Variants in PHKB observed in about 807,000 individuals in gnomAD.
The protein encoded by PHKB is phosphorylase kinase regulatory subunit beta, also known as phosphorylase b kinase regulatory subunit beta.
Under a neutral mutation model 152.1 loss-of-function variants are expected in PHKB, and 122 were observed. That is an observed-to-expected ratio of 0.80 (90% CI 0.69 to 0.93). The LOEUF (loss-of-function observed/expected upper bound fraction) is 0.93, where lower values mean the gene tolerates loss of function less well. Among genes scored for constraint, PHKB ranks in the 40% least tolerant of loss-of-function variants. The pLI, the probability that PHKB is intolerant of heterozygous loss-of-function variation, is 0.00. For missense variants in PHKB, 1,304 were observed against 1,328.4 expected (o/e 0.98, Z 0.29); for synonymous variants, 436 against 464.9 (o/e 0.94, Z 0.80).
At chr16:47,649,922 CAGATAGAT>C (rs367864790) in intron 18 of PHKB, among the ~76,000 whole-genome samples, 13 of 151,860 alleles carry the variant, frequency 8.6e-5, no homozygotes, top group Admixed American at 7.9e-4. Context: ...GATTGATTGA[CAGATAGAT>C]AGATAGATAG....
chr16:47,486,628 C>T (rs943530457), intron 1 of PHKB, among the ~76,000 whole-genome samples: 1 of 152,130 alleles, frequency 6.6e-6, no homozygotes, highest in African/African-American at 2.4e-5. Context: ...CCCATGCCTA[C>T]CCCGTCTGCA....
rs1974019127 is a variant in PHKB at position 47,689,279 on chromosome 16, A to G, written c.2765+104A>G. On this transcript the variant is annotated intron_variant, in intron 27 of 30. Transcript: ENST00000323584. ...AAATTGATAAGATATTAATAAGTAA[A>G]ATTCAACAGAGTGTCAGAGGCCACC... 2.5e-6 allele frequency: 3 copies of G among 1,209,402 alleles called. No individual in the cohort carries two copies. The Admixed American group carries it at 5.5e-5, about 22-fold the overall frequency. The allele number at this position is 1,209,402 out of a possible 1,614,324, so 74.9% of individuals were successfully genotyped here. A position where few individuals can be genotyped will look rare whatever the true frequency, so the allele number is the denominator to read the frequency against.
chr16:47,678,730 C>T (rs1480009325), intron 26 of PHKB, among the ~76,000 whole-genome samples: 1 of 151,816 alleles, frequency 6.6e-6, no homozygotes, highest in African/African-American at 2.4e-5. Flanking sequence ...TGCCTGTTCA[C>T]TCTGATGGTG....
chr16:47,611,007 TTTG>T, intron 14 of PHKB, 87 bp downstream of exon 14: 1 of 804,018 alleles, frequency 1.2e-6, no homozygotes, highest in Non-Finnish European at 2.2e-6. Context: ...TGAATAGGTT[TTTG>T]TTGTTCCTTC....
chr16:47,590,904 T>A (rs1237766650), intron 10 of PHKB: 1 of 152,240 alleles, frequency 6.6e-6, no homozygotes, highest in African/African-American at 2.4e-5. Flanking sequence ...CAGACTTTCC[T>A]TTTTATTTTC....
At chr16:47,473,860 ATTT>A (rs1451109961) in intron 1 of PHKB, among the ~76,000 whole-genome samples, 1 of 152,114 alleles carries the variant, frequency 6.6e-6, no homozygotes, top group Non-Finnish European at 1.5e-5. Flanking sequence ...CATACTTACT[ATTT>A]TTTCGTAATG....
intron 1 of PHKB, among the ~76,000 whole-genome samples, chr16:47,488,427 G>T (rs542877239): frequency 2.6e-4 from 40 of 152,268 alleles, no homozygotes; most frequent in Admixed American, 6.5e-4. Flanking sequence ...TTGCTGTGAA[G>T]AAGCTCTTTA....
chr16:47,554,441 AGCTT>A (rs1971329868), intron 7 of PHKB, among the ~76,000 whole-genome samples: 1 of 152,216 alleles, frequency 6.6e-6, no homozygotes, highest in African/African-American at 2.4e-5. Context: ...AGTGGATCTT[AGCTT>A]GCTGGGCTCT....
chr16:47,509,354 C>G (rs1024078034), intron 4 of PHKB, among the ~76,000 whole-genome samples: 1 of 152,128 alleles, frequency 6.6e-6, no homozygotes, highest in Non-Finnish European at 1.5e-5. Flanking sequence ...TGTACCCATT[C>G]TCTAGGTCCT....
intron 13 of PHKB, among the ~76,000 whole-genome samples, chr16:47,606,605 T>C (rs1753789752): frequency 6.6e-6 from 1 of 152,246 alleles, no homozygotes; most frequent in Admixed American, 6.5e-5. Context: ...CTAAGATAAC[T>C]TTACAGATGC....
chr16:47,504,183 A>G (rs1299855296), intron 4 of PHKB, among the ~76,000 whole-genome samples: 1 of 152,262 alleles, frequency 6.6e-6, no homozygotes, highest in Non-Finnish European at 1.5e-5. Context: ...GCCAGATGCT[A>G]GCACCTAGGA....
intron 25 of PHKB, chr16:47,665,823 C>T: frequency 1.3e-6 from 1 of 766,044 alleles, no homozygotes; most frequent in Non-Finnish European, 2.3e-6. Flanking sequence ...AGTGTTTCCT[C>T]CAAATGATGA....
Position 47,593,646 on chromosome 16 carries a change from A to T in PHKB, c.1126+89A>T. 6.3e-6 allele frequency: 5 copies of T among 797,866 alleles called. 1 individual carries two copies. In the South Asian group the frequency reaches 7.1e-5, roughly 11 times the overall value. 49.4% of individuals were successfully genotyped at this position (797,866 alleles called of 1,614,324 possible). On this transcript the variant is annotated intron_variant, in intron 11 of 30. Coordinates refer to ENST00000323584, the MANE Select transcript of PHKB (RefSeq NM_000293.3). ...AGTGGTTTAAAGAAGAGCAGAAATA[A>T]ATTATGACTCTTTTCAGCTAGAAAA... is the stretch of plus-strand genomic sequence containing the variant.
chr16:47,552,113 A>T (rs372058786), intron 7 of PHKB, among the ~76,000 whole-genome samples: 66 of 152,134 alleles, frequency 4.3e-4, no homozygotes, highest in African/African-American at 1.5e-3. Context: ...GTGTCTTTGC[A>T]CATGAGATGG....
intron 4 of PHKB, among the ~76,000 whole-genome samples, chr16:47,509,773 G>A (rs1970478746): frequency 6.6e-6 from 1 of 152,150 alleles, no homozygotes; most frequent in Non-Finnish European, 1.5e-5. Flanking sequence ...GACACCAAAT[G>A]TGTGGATTTT....
rs1971906541 is a variant in PHKB at position 47,584,716 on chromosome 16, C to T, written c.775-2952C>T. ...ATAACTGAACTAGGGGAGAAAATCT[C>T]CTGACCATAGTTTTGCGGTGTGGTT... On this transcript the variant is annotated intron_variant, in intron 8 of 30. Coordinates refer to ENST00000323584, the MANE Select transcript of PHKB (RefSeq NM_000293.3). Among the ~76,000 whole-genome samples the T allele has an allele frequency of 4.6e-5, 7 of 152,152 alleles. 1 individual carries two copies.
chr16:47,508,870 T>A (rs985684005), intron 4 of PHKB, among the ~76,000 whole-genome samples: 1 of 152,150 alleles, frequency 6.6e-6, no homozygotes, highest in African/African-American at 2.4e-5. Flanking sequence ...TGGACCTTAT[T>A]TTTTTCTGAA....
At chr16:47,603,528 G>A (rs1270319340) in intron 13 of PHKB, among the ~76,000 whole-genome samples, 2 of 148,728 alleles carry the variant, frequency 1.3e-5, no homozygotes, top group South Asian at 4.3e-4. Flanking sequence ...TTTGGAGATG[G>A]AGTCTCGCTG....
At chr16:47,589,906 T>C (rs1207986593) in intron 10 of PHKB, among the ~76,000 whole-genome samples, 1 of 152,168 alleles carries the variant, frequency 6.6e-6, no homozygotes, top group African/African-American at 2.4e-5. Context: ...TGCCTCAGCT[T>C]CCTGAGTAGC....
Sources: allele counts gnomAD v4.1 joint callset (sites outside exome capture counted in the v4.1 genomes callset), GRCh38; gene constraint gnomAD v4.1.1; transcripts MANE v1.5; gene names NCBI Gene and HGNC (gene_info 2026-07-23, HGNC 2026-07-21).